The following GALNT13 variants were observed in gnomAD, a reference collection of about 807,000 sequenced individuals.
GALNT13 encodes UDP-GalNAc:polypeptide N-acetylgalactosaminyltransferase 13.
Under a neutral mutation model 64.2 loss-of-function variants are expected in GALNT13, and 28 were observed. The ratio of observed to expected loss-of-function variants is 0.44; its 90% confidence interval spans 0.32 to 0.60. The LOEUF (loss-of-function observed/expected upper bound fraction) is 0.60, where lower values mean the gene tolerates loss of function less well. GALNT13 is among the 20% of genes least tolerant of loss of function. The probability of loss-of-function intolerance (pLI) is 0.05; values close to 1 mark genes in which losing one functional copy is unlikely to be tolerated. For missense variants in GALNT13, 577 were observed against 669.8 expected, an observed-to-expected ratio of 0.86 and a Z score of 1.53; for synonymous variants, 214 against 224.6, an observed-to-expected ratio of 0.95 and a Z score of 0.42.
intron 3 of GALNT13, among the ~76,000 whole-genome samples, chr2:154,107,018 T>TTTTGTTTTG (rs1553478734): frequency 7.9e-5 from 12 of 152,092 alleles, no homozygotes; most frequent in South Asian, 6.2e-4. Context: ...CAGCTGGTTT[T>TTTTGTTTTG]TTTTGTTTTG....
the GALNT13 span, among the ~76,000 whole-genome samples, chr2:153,502,562 C>T: frequency 1.3e-5 from 2 of 152,164 alleles, no homozygotes; most frequent in African/African-American, 4.8e-5. Flanking sequence ...GTGTGCAAGT[C>T]TCTTTTGTGT....
the GALNT13 span, among the ~76,000 whole-genome samples, chr2:153,539,333 T>G: frequency 3.4e-4 from 52 of 152,086 alleles, no homozygotes; most frequent in African/African-American, 9.9e-4. Context: ...TTTCTCCCAT[T>G]CTGTAGGTTG....
chr2:154,065,681 T>C (rs1418649293), intron 3 of GALNT13, among the ~76,000 whole-genome samples: 4 of 152,190 alleles, frequency 2.6e-5, no homozygotes, highest in Admixed American at 2.6e-4. Flanking sequence ...CTAATGCAGA[T>C]ATGGCTGCAG....
the GALNT13 span, among the ~76,000 whole-genome samples, chr2:153,320,439 A>T: frequency 1.3e-5 from 2 of 152,206 alleles, no homozygotes; most frequent in African/African-American, 4.8e-5. Flanking sequence ...TTCTAGAGAT[A>T]TAAAAGTGAA....
At chr2:153,431,159 A>C in the GALNT13 span, among the ~76,000 whole-genome samples, 5 of 151,950 alleles carry the variant, frequency 3.3e-5, no homozygotes, top group South Asian at 2.1e-4. Context: ...AAAAAAAAAA[A>C]AAACAAAAAA....
the GALNT13 span, among the ~76,000 whole-genome samples, chr2:153,780,238 T>TATATATATATGC: frequency 1.3e-4 from 2 of 15,102 alleles, no homozygotes; most frequent in African/African-American, 2.8e-4. Context: ...TATATATATA[T>TATATATATATGC]ATATATATAT....
chr2:153,989,378 T>A (rs972803319), intron 3 of GALNT13, among the ~76,000 whole-genome samples: 85 of 151,966 alleles, frequency 5.6e-4, no homozygotes, highest in African/African-American at 1.6e-3. Flanking sequence ...AAGTTCTTAG[T>A]TTGCCTGATT....
intron 9 of GALNT13, among the ~76,000 whole-genome samples, chr2:154,310,592 A>G (rs1574066492): frequency 6.6e-6 from 1 of 152,184 alleles, no homozygotes; most frequent in African/African-American, 2.4e-5. Context: ...TTATTTAATC[A>G]TGCCAATATT....
chr2:153,845,314 C>T, the GALNT13 span, among the ~76,000 whole-genome samples: 1 of 152,286 alleles, frequency 6.6e-6, no homozygotes, highest in South Asian at 2.1e-4. Flanking sequence ...ATCTGCTCAG[C>T]TTCTAGGGAG....
At chr2:153,717,340 G>A in the GALNT13 span, among the ~76,000 whole-genome samples, 7 of 152,292 alleles carry the variant, frequency 4.6e-5, no homozygotes, top group African/African-American at 1.4e-4. Flanking sequence ...TAGACAATAA[G>A]TGAAGCAGAC....
chr2:153,229,582 T>A, the GALNT13 span, among the ~76,000 whole-genome samples: 1 of 152,208 alleles, frequency 6.6e-6, no homozygotes, highest in Non-Finnish European at 1.5e-5. Flanking sequence ...CTTAATTTAA[T>A]CGCCTATTTT....
chr2:153,346,518 TA>T, the GALNT13 span, among the ~76,000 whole-genome samples: 1 of 152,172 alleles, frequency 6.6e-6, no homozygotes. Flanking sequence ...TTTTATAATT[TA>T]TTTTTTTTAA....
chr2:153,843,858 C>T, the GALNT13 span, among the ~76,000 whole-genome samples: 1 of 152,178 alleles, frequency 6.6e-6, no homozygotes, highest in South Asian at 2.1e-4. Context: ...CTTAAAGCTC[C>T]TAAATAATCT....
chr2:153,344,369 A>T, the GALNT13 span, among the ~76,000 whole-genome samples: 1 of 152,222 alleles, frequency 6.6e-6, no homozygotes, highest in African/African-American at 2.4e-5. Flanking sequence ...TTTGAAGAAT[A>T]CAGACCAGTA....
chr2:154,407,571 T>A (rs1465742060), intron 10 of GALNT13, among the ~76,000 whole-genome samples: 1 of 147,728 alleles, frequency 6.8e-6, no homozygotes, highest in Non-Finnish European at 1.5e-5. Context: ...GAAATCAGAT[T>A]GAGAATATAT....
chr2:153,290,455 T>C, the GALNT13 span, among the ~76,000 whole-genome samples: 1 of 152,208 alleles, frequency 6.6e-6, no homozygotes, highest in African/African-American at 2.4e-5. Flanking sequence ...GTGGCACTGG[T>C]TACCAAAAAT....
intron 3 of GALNT13, among the ~76,000 whole-genome samples, chr2:153,962,484 T>A (rs1693015379): frequency 6.6e-6 from 1 of 152,002 alleles, no homozygotes; most frequent in Admixed American, 6.6e-5. Context: ...ATGGAGACAA[T>A]AGCAAATGAA....
intron 9 of GALNT13, among the ~76,000 whole-genome samples, chr2:154,343,117 A>C (rs1262646684): frequency 6.6e-6 from 1 of 151,986 alleles, no homozygotes; most frequent in Non-Finnish European, 1.5e-5. Context: ...TTACTTTACC[A>C]CAAACCCTGT....
chr2:153,419,462 T>C, the GALNT13 span, among the ~76,000 whole-genome samples: 1 of 152,232 alleles, frequency 6.6e-6, no homozygotes, highest in Non-Finnish European at 1.5e-5. Flanking sequence ...CCTCCGTGAT[T>C]CCACTTATTT....
Sources: gnomAD v4.1 joint callset for allele counts (sites outside exome capture counted in the v4.1 genomes callset) on GRCh38, gnomAD v4.1.1 for gene constraint, MANE v1.5 for transcripts, NCBI Gene and HGNC (gene_info 2026-07-23, HGNC 2026-07-21) for gene names.